KCNIP4: variants seen among roughly 807,000 people sequenced by gnomAD.
KCNIP4 encodes the protein potassium voltage-gated channel interacting protein 4.
In KCNIP4, 12 loss-of-function variants were observed where a neutral mutation model predicts 34.0. The ratio of observed to expected loss-of-function variants is 0.35; its 90% CI spans 0.23 to 0.57. The LOEUF is 0.57. KCNIP4 is among the 20% of genes least tolerant of loss of function. The probability of loss-of-function intolerance (pLI) is 0.83; values close to 1 mark genes in which losing one functional copy is unlikely to be tolerated. For synonymous variants in KCNIP4, 124 were observed against 102.2 expected (o/e 1.21, Z -1.29); for missense variants, 238 against 311.7 (o/e 0.76, Z 1.78).
intron 1 of KCNIP4, among the ~76,000 whole-genome samples, chr4:21,029,644 G>A (rs1277016696): frequency 1.3e-5 from 2 of 152,190 alleles, no homozygotes; most frequent in Non-Finnish European, 2.9e-5. Flanking sequence ...AAGCTGTTGA[G>A]TGCACTACCT....
intron 3 of KCNIP4, among the ~76,000 whole-genome samples, chr4:20,790,981 C>T (rs2149403888): frequency 6.6e-6 from 1 of 152,158 alleles, no homozygotes; most frequent in Non-Finnish European, 1.5e-5. Flanking sequence ...CAAGAACTTG[C>T]TAGGTTGGAA....
intron 1 of KCNIP4, among the ~76,000 whole-genome samples, chr4:21,587,622 C>A (rs115264679): frequency 6.6e-6 from 1 of 152,116 alleles, no homozygotes; most frequent in Non-Finnish European, 1.5e-5. Flanking sequence ...CTATCCCAGA[C>A]GATTTTCTAA....
At chr4:21,823,570 AT>A (rs1422801735) in intron 1 of KCNIP4, among the ~76,000 whole-genome samples, 1 of 151,716 alleles carries the variant, frequency 6.6e-6, no homozygotes, top group Non-Finnish European at 1.5e-5. Flanking sequence ...ACACTGGTAC[AT>A]TTTTTAAGAA....
intron 1 of KCNIP4, among the ~76,000 whole-genome samples, chr4:20,918,546 G>A: frequency 6.6e-6 from 1 of 152,096 alleles, no homozygotes. Context: ...AACTCTCCAT[G>A]GTTCTCCTTG....
chr4:21,488,725 G>A (rs1732122416), intron 1 of KCNIP4, among the ~76,000 whole-genome samples: 1 of 152,096 alleles, frequency 6.6e-6, no homozygotes, highest in African/African-American at 2.4e-5. Flanking sequence ...GTGGGTAAAT[G>A]AATCCACACC....
At position 20,858,633 on chromosome 4, in the gene KCNIP4, C is replaced by A. The variant is rs192536046; in HGVS notation, c.164-7966G>T. ...CTAAGTAACTTGGCCATAACCCAAG[C>A]AACTCTTGGCCAAATGGCTACTTAG... On this transcript the variant is annotated intron_variant, in intron 2 of 8. Coordinates refer to ENST00000382152, the MANE Select transcript of KCNIP4 (RefSeq NM_025221.6). Among the ~76,000 whole-genome samples the A allele has an allele frequency of 1.5e-3, 226 of 152,094 alleles. 1 individual carries two copies. Among genetic ancestry groups the A allele is most frequent in the Middle Eastern group, 6.8e-3 (2 of 294 alleles).
At chr4:20,940,632 C>T (rs2149618168) in intron 1 of KCNIP4, among the ~76,000 whole-genome samples, 1 of 152,280 alleles carries the variant, frequency 6.6e-6, no homozygotes, top group Non-Finnish European at 1.5e-5. Context: ...ACTGTTGGCT[C>T]TTTCTTCAGA....
chr4:21,791,950 C>T (rs1049711304), intron 1 of KCNIP4, among the ~76,000 whole-genome samples: 2 of 127,086 alleles, frequency 1.6e-5, no homozygotes, highest in African/African-American at 5.9e-5. Flanking sequence ...TGCAGTGAGC[C>T]GAGATTGCAC....
chr4:20,898,122 G>A (rs1440509776), intron 1 of KCNIP4, among the ~76,000 whole-genome samples: 1 of 152,062 alleles, frequency 6.6e-6, no homozygotes, highest in East Asian at 1.9e-4. Flanking sequence ...ATCTTCTCCT[G>A]CCCTTGGGCA....
intron 1 of KCNIP4, among the ~76,000 whole-genome samples, chr4:21,081,445 TGAAA>T (rs1745993381): frequency 6.6e-6 from 1 of 151,752 alleles, no homozygotes; most frequent in Non-Finnish European, 1.5e-5. Flanking sequence ...ACCCAAGATG[TGAAA>T]CTCAATTAAG....
intron 3 of KCNIP4, among the ~76,000 whole-genome samples, chr4:20,759,117 G>T (rs1339813549): frequency 6.6e-6 from 1 of 152,136 alleles, no homozygotes; most frequent in Non-Finnish European, 1.5e-5. Flanking sequence ...GAGTATCAAA[G>T]TAGGTGTAAT....
At chr4:21,947,578 T>G (rs1434893981) in intron 1 of KCNIP4, among the ~76,000 whole-genome samples, 1 of 152,156 alleles carries the variant, frequency 6.6e-6, no homozygotes, top group Non-Finnish European at 1.5e-5. Flanking sequence ...TTGAGGTGAC[T>G]CCATTTCCCT....
intron 1 of KCNIP4, among the ~76,000 whole-genome samples, chr4:21,476,256 A>G (rs1730962159): frequency 6.6e-6 from 1 of 152,180 alleles, no homozygotes; most frequent in South Asian, 2.1e-4. Flanking sequence ...TGAGTTTTTC[A>G]TTATGCTGCT....
intron 1 of KCNIP4, among the ~76,000 whole-genome samples, chr4:21,529,397 A>C (rs1173734948): frequency 1.3e-5 from 2 of 152,192 alleles, no homozygotes; most frequent in African/African-American, 4.8e-5. Context: ...ACAGTGGTTA[A>C]AGCACACTTC....
intron 1 of KCNIP4, among the ~76,000 whole-genome samples, chr4:21,538,559 TG>T (rs1485514293): frequency 6.6e-6 from 1 of 152,182 alleles, no homozygotes; most frequent in Non-Finnish European, 1.5e-5. Context: ...CATTATTCCT[TG>T]GCTTACAAGC....
At chr4:21,901,346 C>A (rs578085276) in intron 1 of KCNIP4, among the ~76,000 whole-genome samples, 2 of 152,200 alleles carry the variant, frequency 1.3e-5, no homozygotes, top group Non-Finnish European at 2.9e-5. Flanking sequence ...CTTCAAACAG[C>A]GCACCCTCTC....
chr4:21,126,625 AAAAAAAAG>A (rs1240491671), intron 1 of KCNIP4, among the ~76,000 whole-genome samples: 1 of 138,524 alleles, frequency 7.2e-6, no homozygotes, highest in Non-Finnish European at 1.6e-5. Context: ...AGCAAAAAAA[AAAAAAAAG>A]AAAAGAAAAA....
At chr4:20,831,022 T>C (rs891397722) in intron 3 of KCNIP4, among the ~76,000 whole-genome samples, 1 of 152,208 alleles carries the variant, frequency 6.6e-6, no homozygotes, top group Non-Finnish European at 1.5e-5. Flanking sequence ...TATTTGCCTC[T>C]GTAAAATATA....
At chr4:21,275,826 A>T (rs145328477) in intron 1 of KCNIP4, among the ~76,000 whole-genome samples, 361 of 152,308 alleles carry the variant, frequency 2.4e-3, no homozygotes, top group Middle Eastern at 6.8e-3. Flanking sequence ...CATGAGGGTC[A>T]AGCAGTACTT....
Sources: gnomAD v4.1 joint callset for allele counts (sites outside exome capture counted in the v4.1 genomes callset) on GRCh38, gnomAD v4.1.1 for gene constraint, MANE v1.5 for transcripts, NCBI Gene and HGNC (gene_info 2026-07-23, HGNC 2026-07-21) for gene names.